Variants in SNTG1 observed in about 807,000 individuals in gnomAD.
SNTG1 encodes syntrophin gamma 1.
In SNTG1, 39 loss-of-function variants were observed where a neutral mutation model predicts 74.7. The observed-to-expected ratio is 0.52, with a 90% CI of 0.40 to 0.68. The LOEUF is 0.68. SNTG1 is among the 30% of genes least tolerant of loss of function. The pLI is 0.00. For synonymous variants in SNTG1, 254 were observed against 217.1 expected, an observed-to-expected ratio of 1.17 and a Z score of -1.49; for missense variants, 685 against 609.5, an observed-to-expected ratio of 1.12 and a Z score of -1.30.
chr8:50,374,051 A>T (rs1251456762), intron 2 of SNTG1, among the ~76,000 whole-genome samples: 1 of 152,214 alleles, frequency 6.6e-6, no homozygotes, highest in Non-Finnish European at 1.5e-5. Flanking sequence ...GAAGCTATGT[A>T]TTAGTGTTGA....
chr8:50,725,120 A>G (rs2131602500), intron 17 of SNTG1, among the ~76,000 whole-genome samples: 1 of 152,318 alleles, frequency 6.6e-6, no homozygotes, highest in Non-Finnish European at 1.5e-5. Flanking sequence ...AAAGTTATGC[A>G]TAAAGAATGA....
At chr8:49,929,360 G>T (rs555836641) in intron 1 of SNTG1, among the ~76,000 whole-genome samples, 1 of 152,176 alleles carries the variant, frequency 6.6e-6, no homozygotes, top group South Asian at 2.1e-4. Flanking sequence ...CTTACTCAAT[G>T]GTACTTGCTA....
chr8:50,337,695 G>A (rs1257467313), intron 2 of SNTG1, among the ~76,000 whole-genome samples: 1 of 152,110 alleles, frequency 6.6e-6, no homozygotes, highest in Admixed American at 6.5e-5. Flanking sequence ...GCAACCCATG[G>A]GCACAGGTTC....
At chr8:50,763,654 G>C (rs2095605439) in intron 18 of SNTG1, among the ~76,000 whole-genome samples, 2 of 92,390 alleles carry the variant, frequency 2.2e-5, no homozygotes, top group Admixed American at 2.2e-4. Context: ...TTTATTGTGT[G>C]TGTGTGTGTG....
chr8:50,002,115 T>C (rs1291323483), intron 1 of SNTG1, among the ~76,000 whole-genome samples: 1 of 152,186 alleles, frequency 6.6e-6, no homozygotes, highest in Non-Finnish European at 1.5e-5. Flanking sequence ...ACTGAATCTC[T>C]AGAAACTATG....
chr8:50,665,434 A>T (rs979587149), intron 15 of SNTG1, among the ~76,000 whole-genome samples: 2 of 151,762 alleles, frequency 1.3e-5, no homozygotes, highest in African/African-American at 4.8e-5. Context: ...GTGTGCATGC[A>T]TGTATATGTA....
chr8:50,458,589 T>G (rs1048779010), intron 8 of SNTG1, among the ~76,000 whole-genome samples: 2 of 152,104 alleles, frequency 1.3e-5, no homozygotes, highest in Non-Finnish European at 2.9e-5. Flanking sequence ...TCCAGACTTC[T>G]TGTATATATT....
At chr8:50,506,526 A>G (rs1037095545) in intron 9 of SNTG1, among the ~76,000 whole-genome samples, 6 of 151,932 alleles carry the variant, frequency 3.9e-5, no homozygotes, top group Non-Finnish European at 5.9e-5. Flanking sequence ...TCTCAATGAT[A>G]TTTTGTGGTT....
At chr8:50,231,871 G>C (rs542470492) in intron 2 of SNTG1, among the ~76,000 whole-genome samples, 1 of 151,206 alleles carries the variant, frequency 6.6e-6, no homozygotes, top group Non-Finnish European at 1.5e-5. Flanking sequence ...ATTTCTCATG[G>C]TCTCACCATC....
chr8:49,995,486 C>T (rs1814118385), intron 1 of SNTG1, among the ~76,000 whole-genome samples: 1 of 152,148 alleles, frequency 6.6e-6, no homozygotes, highest in African/African-American at 2.4e-5. Context: ...TGGAGTCTGG[C>T]ATCCACAAGA....
chr8:50,648,549 C>T (rs1260742773), intron 13 of SNTG1, among the ~76,000 whole-genome samples: 1 of 151,934 alleles, frequency 6.6e-6, no homozygotes, highest in Non-Finnish European at 1.5e-5. Context: ...ACAATGACCC[C>T]AGAATGACAA....
At chr8:50,032,597 C>G (rs916130712) in intron 1 of SNTG1, among the ~76,000 whole-genome samples, 1 of 152,116 alleles carries the variant, frequency 6.6e-6, no homozygotes, top group Admixed American at 6.5e-5. Flanking sequence ...TCTCCAGTAA[C>G]CAATGTTCCA....
intron 15 of SNTG1, among the ~76,000 whole-genome samples, chr8:50,661,492 T>A (rs2095223047): frequency 6.6e-6 from 1 of 152,178 alleles, no homozygotes; most frequent in Non-Finnish European, 1.5e-5. Flanking sequence ...AGACTACTTC[T>A]CATTTTAACT....
rs33971834 is a variant in SNTG1, at chr8:49,982,603, C to CA, written c.-103+70388dup. 3.4e-3 allele frequency among the ~76,000 whole-genome samples: 434 copies of CA among 126,302 alleles called. 27 individuals are homozygous for CA. Among genetic ancestry groups the CA allele is most frequent in the South Asian group, 5.6e-3 (21 of 3,770 alleles). The allele number at this position is 126,302 out of a possible 152,430, so 82.9% of individuals were successfully genotyped here. A position where few individuals can be genotyped will look rare whatever the true frequency, so the allele number is the denominator to read the frequency against. On this transcript the variant is annotated intron_variant, in intron 1 of 18. Transcript: ENST00000642720. Reference sequence around the variant, plus strand: ...ATCCCAGCTACTCAGGAGGCTGAAGCAAAAAAAAAAAAAAAAGTTTGAGCC... The same window carrying CA: ...ATCCCAGCTACTCAGGAGGCTGAAGCAAAAAAAAAAAAAAAAAGTTTGAGCC...
chr8:50,127,436 G>T (rs984340129), intron 1 of SNTG1, among the ~76,000 whole-genome samples: 4 of 152,088 alleles, frequency 2.6e-5, no homozygotes, highest in African/African-American at 9.7e-5. Flanking sequence ...GTTACAACAG[G>T]TGCTCTTTTT....
chr8:50,542,675 T>C (rs1207781903), intron 11 of SNTG1, among the ~76,000 whole-genome samples: 1 of 152,218 alleles, frequency 6.6e-6, no homozygotes, highest in African/African-American at 2.4e-5. Context: ...CAAACTGTTC[T>C]GAAGTAGTGG....
intron 4 of SNTG1, among the ~76,000 whole-genome samples, chr8:50,433,880 T>C (rs188980524): frequency 3.3e-5 from 5 of 152,170 alleles, no homozygotes; most frequent in Admixed American, 3.3e-4. Flanking sequence ...GTACACATAG[T>C]AGATTTTTAT....
At chr8:50,764,329 G>T (rs368334197) in intron 18 of SNTG1, among the ~76,000 whole-genome samples, 9 of 151,866 alleles carry the variant, frequency 5.9e-5, no homozygotes, top group Non-Finnish European at 1.0e-4. Flanking sequence ...AGAGTGATGA[G>T]GCGACCTATA....
intron 1 of SNTG1, among the ~76,000 whole-genome samples, chr8:50,007,533 G>A (rs1815355264): frequency 6.6e-6 from 1 of 152,130 alleles, no homozygotes. Context: ...GGGATTCAAT[G>A]TGCTGAGAGT....
Sources: gnomAD v4.1 joint callset for allele counts (sites outside exome capture counted in the v4.1 genomes callset) on GRCh38, gnomAD v4.1.1 for gene constraint, MANE v1.5 for transcripts, NCBI Gene and HGNC (gene_info 2026-07-23, HGNC 2026-07-21) for gene names.